The following ZDHHC17 variants were observed in gnomAD, a reference collection of about 807,000 sequenced individuals.
ZDHHC17 encodes zDHHC palmitoyltransferase 17.
A neutral mutation model predicts 90.3 loss-of-function variants in ZDHHC17; 40 were observed. That is an observed-to-expected ratio of 0.44 (90% CI 0.34 to 0.58). The LOEUF is 0.58. Ranked by LOEUF, ZDHHC17 falls within the 20% of genes least tolerant of loss-of-function variation. The pLI is 0.01. For synonymous variants in ZDHHC17, 235 were observed against 252.4 expected, an observed-to-expected ratio of 0.93 and a Z score of 0.65; for missense variants, 614 against 780.8, an observed-to-expected ratio of 0.79 and a Z score of 2.55.
chr12:76,793,489 C>T lies in ZDHHC17; in HGVS notation c.94-3945C>T, dbSNP rs577480406. The stretch of plus-strand genomic sequence containing the variant: ...GAGCTGAGATCATGCCACTGCACTC[C>T]AGCCTGGGTGACAGAGTGAGGCTCT... On this transcript the variant is annotated intron_variant, in intron 1 of 16. Coordinates refer to ENST00000426126, the MANE Select transcript of ZDHHC17 (RefSeq NM_015336.4). 6.4e-4 allele frequency among the ~76,000 whole-genome samples: 98 copies of T among 152,340 alleles called. 3 individuals are homozygous for T. The highest frequency in any genetic ancestry group is 4.6e-4 in the Admixed American group (7 of 15,304).
intron 16 of ZDHHC17, 69 bp downstream of exon 16, chr12:76,849,539 T>C (rs1187617431): frequency 3.3e-6 from 3 of 900,470 alleles, no homozygotes; most frequent in African/African-American, 1.7e-5. Flanking sequence ...CAGACTCTTT[T>C]ACTTAGTGAT....
chr12:76,853,082 T>C lies in ZDHHC17; in HGVS notation c.*2097T>C, dbSNP rs1037053494. 6.6e-6 allele frequency: 1 copy of C among 152,212 alleles called. No individual in the cohort carries two copies. The highest frequency in any genetic ancestry group is 6.5e-5 in the Admixed American group (1 of 15,276). The allele number at this position is 152,212 out of a possible 1,614,324, so 9.4% of individuals were successfully genotyped here. ...AGAATGTTGTTACCATCTTCTTTGT[T>C]TGTGGTACAATATTTTCAGTGCAAA... On this transcript the variant is annotated 3_prime_UTR_variant, in exon 17 of 17. Transcript: ENST00000426126.
chr12:76,838,628 C>T (rs540612137), intron 10 of ZDHHC17, among the ~76,000 whole-genome samples: 10 of 152,222 alleles, frequency 6.6e-5, no homozygotes, highest in African/African-American at 2.2e-4. Flanking sequence ...TTTTATTCTA[C>T]GCAGCCTTAG....
chr12:76,778,075 G>T (rs1194652124), intron 1 of ZDHHC17, among the ~76,000 whole-genome samples: 1 of 152,146 alleles, frequency 6.6e-6, no homozygotes, highest in Non-Finnish European at 1.5e-5. Context: ...CTCCTGAAGG[G>T]AGATCTTATT....
chr12:76,781,502 A>T (rs1347823755), intron 1 of ZDHHC17: 9 of 409,086 alleles, frequency 2.2e-5, no homozygotes, highest in Admixed American at 2.2e-4. Context: ...GAATGGATTA[A>T]TGTCCTTATC....
chr12:76,817,549 A>C (rs1422288531), intron 7 of ZDHHC17, among the ~76,000 whole-genome samples: 1 of 152,096 alleles, frequency 6.6e-6, no homozygotes, highest in Non-Finnish European at 1.5e-5. Flanking sequence ...ATGACTACAC[A>C]GTTCTGGAGT....
intron 1 of ZDHHC17, 72 bp from the exon 2 acceptor site, chr12:76,797,362 C>G: frequency 9.5e-7 from 1 of 1,054,174 alleles, no homozygotes. Flanking sequence ...AAAAGCACTA[C>G]TATAAAATAT....
intron 1 of ZDHHC17, 59 bp downstream of exon 1, chr12:76,764,388 G>T (rs1952404242): frequency 6.7e-7 from 1 of 1,491,558 alleles, no homozygotes; most frequent in African/African-American, 1.4e-5. Context: ...TTCTTCCCCG[G>T]ACTCGCCGAG....
rs1183303059 is a variant in ZDHHC17, at chr12:76,772,135, G to T, written c.93+7806G>T. On this transcript the variant is annotated intron_variant, in intron 1 of 16. Coordinates refer to ENST00000426126, the MANE Select transcript of ZDHHC17 (RefSeq NM_015336.4). ...AGCTTTTTATACCTATTTTACAAATGAGGAAACAGAGGTATAGAGAGGTTA... is the reference window on the plus strand; with the variant it reads ...AGCTTTTTATACCTATTTTACAAATTAGGAAACAGAGGTATAGAGAGGTTA... 5.3e-5 allele frequency among the ~76,000 whole-genome samples: 8 copies of T among 152,188 alleles called. No homozygotes were observed. In the South Asian group the frequency reaches 8.3e-4, roughly 16 times the overall value.
chr12:76,826,825 A>C (rs1953236078), intron 8 of ZDHHC17, 83 bp from the exon 9 acceptor site: 3 of 1,363,876 alleles, frequency 2.2e-6, no homozygotes, highest in South Asian at 3.4e-5. Flanking sequence ...CCGCTGTTGC[A>C]TGCCTTCACA....
chr12:76,832,041 T>C (rs926415177), intron 10 of ZDHHC17, among the ~76,000 whole-genome samples: 1 of 152,246 alleles, frequency 6.6e-6, no homozygotes, highest in Non-Finnish European at 1.5e-5. Context: ...CGAGGAAAAC[T>C]GTATACTTCA....
At chr12:76,767,544 G>C (rs979813092) in intron 1 of ZDHHC17, among the ~76,000 whole-genome samples, 1 of 152,138 alleles carries the variant, frequency 6.6e-6, no homozygotes, top group Non-Finnish European at 1.5e-5. Flanking sequence ...TGTCATGTTT[G>C]GGTAAGGAAT....
intron 7 of ZDHHC17, among the ~76,000 whole-genome samples, chr12:76,817,498 A>G (rs1953104093): frequency 6.6e-6 from 1 of 152,166 alleles, no homozygotes; most frequent in African/African-American, 2.4e-5. Flanking sequence ...CCATATCAGT[A>G]TACTGAAATT....
At chr12:76,827,152 AT>A in intron 9 of ZDHHC17, 102 bp downstream of exon 9, 1 of 1,250,972 alleles carries the variant, frequency 8.0e-7, no homozygotes. Flanking sequence ...TTTGATCTTA[AT>A]TTATTTAAAT....
At chr12:76,820,710 G>A (rs1953153887) in intron 7 of ZDHHC17, among the ~76,000 whole-genome samples, 1 of 152,094 alleles carries the variant, frequency 6.6e-6, no homozygotes, top group African/African-American at 2.4e-5. Context: ...AAAATTTGAC[G>A]ATGAAATTCA....
intron 5 of ZDHHC17, among the ~76,000 whole-genome samples, chr12:76,811,311 CT>C: frequency 6.6e-6 from 1 of 152,254 alleles, no homozygotes; most frequent in Non-Finnish European, 1.5e-5. Context: ...GTAAATGGTG[CT>C]ATAGCACATC....
At chr12:76,824,494 A>G (rs1052185634) in intron 8 of ZDHHC17, among the ~76,000 whole-genome samples, 3 of 152,112 alleles carry the variant, frequency 2.0e-5, no homozygotes, top group Non-Finnish European at 4.4e-5. Flanking sequence ...TCACATTGGA[A>G]AAGTTTCAGT....
At chr12:76,803,185 G>A (rs971277780) in intron 2 of ZDHHC17, among the ~76,000 whole-genome samples, 2 of 152,032 alleles carry the variant, frequency 1.3e-5, no homozygotes, top group African/African-American at 2.4e-5. Context: ...CCCTGGGGGT[G>A]GAGATTGCAG....
chr12:76,768,890 T>A (rs1420644778), intron 1 of ZDHHC17, among the ~76,000 whole-genome samples: 2 of 152,320 alleles, frequency 1.3e-5, no homozygotes, highest in South Asian at 2.1e-4. Flanking sequence ...ATTTCAAAAC[T>A]TCTGCTATTG....
Sources: allele counts gnomAD v4.1 joint callset (sites outside exome capture counted in the v4.1 genomes callset), GRCh38; gene constraint gnomAD v4.1.1; transcripts MANE v1.5; gene names NCBI Gene and HGNC (gene_info 2026-07-23, HGNC 2026-07-21).